The following PIWIL2 variants were observed in gnomAD, a reference collection of about 807,000 sequenced individuals.
PIWIL2 encodes the protein piwi like RNA-mediated gene silencing 2.
Under a neutral mutation model 116.5 loss-of-function variants are expected in PIWIL2, and 81 were observed. That is an observed-to-expected ratio of 0.70 (90% confidence interval 0.58 to 0.84). The LOEUF (loss-of-function observed/expected upper bound fraction) is 0.84. Among genes scored for constraint, PIWIL2 ranks in the 40% least tolerant of loss-of-function variants. The pLI is 0.00. For synonymous variants in PIWIL2, 489 were observed against 429.5 expected (o/e 1.14, Z -1.71); for missense variants, 1,272 against 1,212.3 (o/e 1.05, Z -0.73).
intron 20 of PIWIL2, among the ~76,000 whole-genome samples, chr8:22,337,828 C>G (rs569698554): frequency 3.5e-4 from 54 of 152,228 alleles, no homozygotes; most frequent in African/African-American, 1.2e-3. Flanking sequence ...GGCGCAGTGA[C>G]TCGCACCTGT....
chr8:22,285,655 C>A (rs1019388584), intron 6 of PIWIL2, among the ~76,000 whole-genome samples: 5 of 146,198 alleles, frequency 3.4e-5, no homozygotes, highest in Non-Finnish European at 7.6e-5. Flanking sequence ...TTTTTTTTTT[C>A]TTTTGAGACA....
chr8:22,333,314 G>A (rs7823797), intron 20 of PIWIL2, among the ~76,000 whole-genome samples: 11,006 of 152,132 alleles, frequency 0.072, 493 homozygotes, highest in Admixed American at 0.095. Flanking sequence ...AAGATCACAT[G>A]GAAGAAATGT....
chr8:22,342,890 G>GAACTCTTAAAACTCAA (rs1423237476), intron 20 of PIWIL2, among the ~76,000 whole-genome samples: 2 of 152,086 alleles, frequency 1.3e-5, no homozygotes, highest in African/African-American at 4.8e-5. Context: ...AGTATACAAA[G>GAACTCTTAAAACTCAA]AACTCTTAAA....
At chr8:22,294,336 T>TA (rs71544871) in intron 10 of PIWIL2, among the ~76,000 whole-genome samples, 29,386 of 80,588 alleles carry the variant, frequency 0.36, 6,550 homozygotes, top group East Asian at 0.77. Flanking sequence ...AGACTGTCTT[T>TA]AAAAAAAAAA....
At chr8:22,303,045 T>G (rs1186068587) in intron 10 of PIWIL2, among the ~76,000 whole-genome samples, 2 of 152,248 alleles carry the variant, frequency 1.3e-5, no homozygotes, top group Non-Finnish European at 2.9e-5. Flanking sequence ...GTACACTTTT[T>G]GGTTCTATTT....
At chr8:22,337,530 C>G (rs1832006834) in intron 20 of PIWIL2, among the ~76,000 whole-genome samples, 1 of 150,664 alleles carries the variant, frequency 6.6e-6, no homozygotes, top group Admixed American at 6.6e-5. Context: ...GGAGTTTGGA[C>G]CAGCCTGACT....
rs544738870 is a variant in PIWIL2 at position 22,282,048 on chromosome 8, C to T, written c.425+533C>T. On this transcript the variant is annotated intron_variant, in intron 4 of 22. Transcript: ENST00000356766. ...TCGGCCTCCCAAAGTGCTGAGATTA[C>T]AGGCATGAGCCCCACTGTGCGTGGA... is the stretch of plus-strand genomic sequence containing the variant. Among the ~76,000 whole-genome samples the T allele has an allele frequency of 8.1e-4, 120 of 147,532 alleles. 1 individual carries two copies. The highest frequency in any genetic ancestry group is 1.2e-3 in the Admixed American group (17 of 14,488).
chr8:22,279,571 G>C lies in PIWIL2; in HGVS notation c.185G>C (p.Gly62Ala). Residue 62 changes from glycine (G) to alanine (A), a missense_variant, in exon 2 of 23, where the codon GGG becomes GCG. Gly to Ala is a moderately conservative substitution (Grantham distance 60). Coordinates refer to ENST00000356766, the MANE Select transcript of PIWIL2 (RefSeq NM_018068.5). Reference sequence around the variant, plus strand: ...CCAGAGGAACCAAGCACACAGAGGGGGCCAGCACAAAGGGTAAGACCACTT... The same window carrying C: ...CCAGAGGAACCAAGCACACAGAGGGCGCCAGCACAAAGGGTAAGACCACTT... ...GKPEEPSTQR[G>A]PAQRESVGLV... The C allele has an allele frequency of 6.2e-7, 1 of 1,614,094 alleles. No individual in the cohort carries two copies. The highest frequency in any genetic ancestry group is 8.5e-7 in the Non-Finnish European group (1 of 1,179,968).
chr8:22,285,372 A>G (rs768434590), intron 6 of PIWIL2, among the ~76,000 whole-genome samples: 13 of 152,118 alleles, frequency 8.5e-5, no homozygotes, highest in Non-Finnish European at 1.6e-4. Context: ...TACTCTCCAG[A>G]TCCTTTCATA....
Position 22,348,281 on chromosome 8 carries a change from C to G in PIWIL2, c.2404-4678C>G, listed in dbSNP as rs561721860. Among the ~76,000 whole-genome samples the G allele has an allele frequency of 5.3e-5, 8 of 152,216 alleles. No individual in the cohort carries two copies. The South Asian group carries it at 1.7e-3, about 32-fold the overall frequency. ...CACCATTGCACTCTAGCCTGGGTGA[C>G]TGAGCGAGACTCCATCTCAAAAATA... On this transcript the variant is annotated intron_variant, in intron 20 of 22. Transcript: ENST00000356766.
chr8:22,283,045 G>C lies in PIWIL2; in HGVS notation c.437G>C (p.Arg146Thr). 1.2e-6 allele frequency: 2 copies of C among 1,614,018 alleles called. No homozygotes were observed. The highest frequency in any genetic ancestry group is 1.7e-6 in the Non-Finnish European group (2 of 1,179,866). The change falls in exon 5 of 23, where the codon AGA (arginine) becomes ACA (threonine). Residue 146 changes from arginine to threonine, a missense_variant. Physicochemically the swap from Arg to Thr is moderately conservative, Grantham distance 71. Transcript: ENST00000356766. ...TSVGWSRTLGRGSSDASLLPL... is the reference protein window; with the variant it reads ...TSVGWSRTLGTGSSDASLLPL... The stretch of plus-strand genomic sequence containing the variant: ...TCTCCACATTTCAGGACGCTTGGAA[G>C]AGGGAGTTCAGATGCGTCTTTATTA...
chr8:22,325,749 G>T (rs943945257), intron 20 of PIWIL2, among the ~76,000 whole-genome samples: 2 of 152,080 alleles, frequency 1.3e-5, no homozygotes, highest in African/African-American at 4.8e-5. Flanking sequence ...CTCCCAAAGT[G>T]CTGGGATTAC....
At chr8:22,315,447 G>T (rs1007918998) in intron 18 of PIWIL2, among the ~76,000 whole-genome samples, 1 of 152,134 alleles carries the variant, frequency 6.6e-6, no homozygotes, top group African/African-American at 2.4e-5. Flanking sequence ...CTCCTGAGTA[G>T]CTGGGATTAC....
In PIWIL2 at chr8:22,290,220, C is replaced by T. The variant is rs1412769115; in HGVS notation, c.1068-13C>T. The T allele has an allele frequency of 5.9e-6, 9 of 1,535,140 alleles. No homozygotes were observed. The highest frequency in any genetic ancestry group is 8.1e-6 in the Non-Finnish European group (9 of 1,109,908). ...TTTGAAAATCCTACAGTTGAGACCA[C>T]CTCTCTCTCCAGATTGCAGATCTGG... On this transcript the variant is annotated splice_polypyrimidine_tract_variant and intron_variant, in intron 9 of 22. Coordinates refer to ENST00000356766, the MANE Select transcript of PIWIL2 (RefSeq NM_018068.5).
intron 20 of PIWIL2, among the ~76,000 whole-genome samples, chr8:22,332,299 G>A (rs192860316): frequency 6.6e-6 from 1 of 152,160 alleles, no homozygotes; most frequent in Admixed American, 6.6e-5. Flanking sequence ...TACACAGTGA[G>A]ACTCTGTCTC....
rs1311747066 is a variant in PIWIL2 at position 22,308,047 on chromosome 8, C to T, written c.1660C>T (p.Leu554Phe). Residue 554 changes from leucine to phenylalanine, a missense_variant, in exon 14 of 23, where the codon CTC becomes TTC. Physicochemically the swap from Leu to Phe is conservative, Grantham distance 22 (BLOSUM62 0). Transcript: ENST00000356766. ...AATNELMRWG[L>F]RLQKDVHKIE... Reference sequence around the variant, plus strand: ...CACCAATGAACTGATGCGTTGGGGGCTCCGTCTGCAAAAGGATGTACATAA... The same window carrying T: ...CACCAATGAACTGATGCGTTGGGGGTTCCGTCTGCAAAAGGATGTACATAA... 6.2e-7 allele frequency: 1 copy of T among 1,613,894 alleles called. No individual in the cohort carries two copies.
intron 11 of PIWIL2, 23 bp from the exon 12 acceptor site, chr8:22,304,761 T>C: frequency 6.7e-7 from 1 of 1,502,574 alleles, no homozygotes; most frequent in Non-Finnish European, 9.3e-7. Flanking sequence ...CTGAAATTTT[T>C]TCCTGCCTCT....
chr8:22,330,033 G>A (rs1429080106), intron 20 of PIWIL2, among the ~76,000 whole-genome samples: 8 of 152,030 alleles, frequency 5.3e-5, no homozygotes, highest in African/African-American at 1.9e-4. Context: ...TATTCTTTTT[G>A]CCCCTTCCTC....
chr8:22,293,945 GAA>G (rs541347514), intron 10 of PIWIL2, among the ~76,000 whole-genome samples: 1 of 152,110 alleles, frequency 6.6e-6, no homozygotes, highest in African/African-American at 2.4e-5. Context: ...GTGAAAATAA[GAA>G]AAAAGTTGTT....
Sources: gnomAD v4.1 joint callset for allele counts (sites outside exome capture counted in the v4.1 genomes callset) on GRCh38, gnomAD v4.1.1 for gene constraint, MANE v1.5 for transcripts, NCBI Gene and HGNC (gene_info 2026-07-23, HGNC 2026-07-21) for gene names.